MGAT4C: variants seen among roughly 807,000 people sequenced by gnomAD.
MGAT4C encodes the protein MGAT4 family member C.
A neutral mutation model predicts 40.1 loss-of-function variants in MGAT4C; 19 were observed. That is an observed-to-expected ratio of 0.47 (90% CI 0.33 to 0.70). The LOEUF is 0.70. MGAT4C is among the 30% of genes least tolerant of loss of function. The pLI, the probability that MGAT4C is intolerant of heterozygous loss-of-function variation, is 0.02. For missense variants in MGAT4C, 491 were observed against 563.2 expected, an observed-to-expected ratio of 0.87 and a Z score of 1.30; for synonymous variants, 181 against 187.1, an observed-to-expected ratio of 0.97 and a Z score of 0.27.
chr12:86,385,776 C>T (rs903285866), intron 3 of MGAT4C, among the ~76,000 whole-genome samples: 1 of 152,128 alleles, frequency 6.6e-6, no homozygotes, highest in Non-Finnish European at 1.5e-5. Flanking sequence ...ATTTCAGTTT[C>T]CTCCACACTG....
At chr12:86,784,470 AC>A (rs1951898248) in intron 1 of MGAT4C, among the ~76,000 whole-genome samples, 1 of 152,104 alleles carries the variant, frequency 6.6e-6, no homozygotes, top group African/African-American at 2.4e-5. Context: ...TTACAATTGA[AC>A]CAGAAAAACA....
chr12:86,314,891 G>C (rs539495831), intron 4 of MGAT4C, among the ~76,000 whole-genome samples: 1 of 152,090 alleles, frequency 6.6e-6, no homozygotes, highest in Non-Finnish European at 1.5e-5. Context: ...TAAATTGGAA[G>C]AATCAGTATT....
intron 2 of MGAT4C, among the ~76,000 whole-genome samples, chr12:86,536,748 G>A (rs566761823): frequency 6.6e-5 from 10 of 152,228 alleles, no homozygotes; most frequent in Admixed American, 2.0e-4. Context: ...CCACCCATGT[G>A]TTCTTTCTTG....
intron 2 of MGAT4C, chr12:86,013,800 T>C (rs118122608): frequency 3.1e-5 from 29 of 926,462 alleles, no homozygotes; most frequent in Non-Finnish European, 3.6e-5. Flanking sequence ...GTAAACTCTT[T>C]TCTCTCCTAC....
chr12:86,281,223 T>C (rs1267210913), intron 4 of MGAT4C, among the ~76,000 whole-genome samples: 1 of 152,116 alleles, frequency 6.6e-6, no homozygotes, highest in Non-Finnish European at 1.5e-5. Context: ...CTTGAAATCA[T>C]TTTTGTTAAA....
chr12:86,552,895 C>T (rs1959436060), intron 2 of MGAT4C, among the ~76,000 whole-genome samples: 1 of 151,828 alleles, frequency 6.6e-6, no homozygotes. Context: ...ACTTTTAATG[C>T]CATTATTTTT....
intron 2 of MGAT4C, among the ~76,000 whole-genome samples, chr12:86,630,351 T>C (rs886448812): frequency 3.3e-5 from 5 of 152,160 alleles, no homozygotes; most frequent in African/African-American, 1.2e-4. Flanking sequence ...CCATTCCTTC[T>C]GAAACTATCC....
At chr12:86,576,737 T>C (rs182361461) in intron 2 of MGAT4C, among the ~76,000 whole-genome samples, 1 of 152,124 alleles carries the variant, frequency 6.6e-6, no homozygotes, top group Non-Finnish European at 1.5e-5. Context: ...TGTAGTATAA[T>C]TTGAAGTAAG....
At chr12:85,980,848 A>G (rs559035526) in intron 4 of MGAT4C, among the ~76,000 whole-genome samples, 2 of 152,266 alleles carry the variant, frequency 1.3e-5, no homozygotes, top group African/African-American at 4.8e-5. Flanking sequence ...TTGCAAAAAG[A>G]GAAGGGCATT....
intron 3 of MGAT4C, among the ~76,000 whole-genome samples, chr12:86,397,566 T>A (rs1220038333): frequency 1.3e-5 from 2 of 151,738 alleles, no homozygotes; most frequent in Admixed American, 1.3e-4. Context: ...TTATGTTTAT[T>A]CACCCTACTT....
At chr12:86,132,791 CAAAAAAAA>C (rs60321690) in intron 1 of MGAT4C, among the ~76,000 whole-genome samples, 5 of 93,730 alleles carry the variant, frequency 5.3e-5, no homozygotes, top group African/African-American at 2.1e-4. Flanking sequence ...GACTCCGTCT[CAAAAAAAA>C]AAAAAAAAAA....
rs192820189 is a variant in MGAT4C at position 86,166,774 on chromosome 12, A to T, written c.-57+89465T>A. On this transcript the variant is annotated intron_variant, in intron 1 of 4. Coordinates refer to ENST00000611864, the MANE Select transcript of MGAT4C (RefSeq NM_001351288.2). The stretch of plus-strand genomic sequence containing the variant: ...CTTACCTTCCTATCCTTCTATAAGT[A>T]TCACTGCAGCACATTATATAACGTA... Among the ~76,000 whole-genome samples, 124 of 152,352 alleles carry T rather than the reference A, an allele frequency of 8.1e-4. 1 individual carries two copies. The highest frequency in any genetic ancestry group is 8.0e-3 in the Admixed American group (122 of 15,290).
intron 1 of MGAT4C, among the ~76,000 whole-genome samples, chr12:86,793,321 TA>T (rs1952058863): frequency 6.6e-6 from 1 of 152,176 alleles, no homozygotes; most frequent in East Asian, 1.9e-4. Flanking sequence ...AAATCTTCAG[TA>T]ACCAAGTGTA....
intron 2 of MGAT4C, among the ~76,000 whole-genome samples, chr12:85,994,810 A>G (rs1886426965): frequency 1.3e-5 from 2 of 152,220 alleles, no homozygotes; most frequent in Admixed American, 6.5e-5. Context: ...GTGGAGACAT[A>G]TCTAAAGGAC....
chr12:86,394,811 T>C (rs955361943), intron 3 of MGAT4C, among the ~76,000 whole-genome samples: 2 of 151,514 alleles, frequency 1.3e-5, no homozygotes, highest in African/African-American at 4.8e-5. Context: ...AGATGGACTC[T>C]CACCATGTTG....
At chr12:86,073,495 G>A (rs1427628276) in intron 1 of MGAT4C, among the ~76,000 whole-genome samples, 1 of 152,176 alleles carries the variant, frequency 6.6e-6, no homozygotes, top group Non-Finnish European at 1.5e-5. Context: ...ATGTGGGAAA[G>A]TTTGGAGCTT....
chr12:86,121,821 C>A (rs917837581), intron 1 of MGAT4C, among the ~76,000 whole-genome samples: 1 of 152,212 alleles, frequency 6.6e-6, no homozygotes, highest in East Asian at 1.9e-4. Flanking sequence ...TTTTTAACCC[C>A]CTGCATACAT....
chr12:86,822,132 G>A (rs777427682), intron 1 of MGAT4C, among the ~76,000 whole-genome samples: 2 of 150,912 alleles, frequency 1.3e-5, no homozygotes, highest in African/African-American at 2.4e-5. Context: ...AAAATATAAT[G>A]TTATAACATA....
chr12:86,275,804 T>C (rs376007245), intron 4 of MGAT4C, among the ~76,000 whole-genome samples: 6 of 151,910 alleles, frequency 3.9e-5, no homozygotes, highest in African/African-American at 1.5e-4. Flanking sequence ...CCTCCAAAAC[T>C]GTAAGAAAAT....
Sources: allele counts gnomAD v4.1 joint callset (sites outside exome capture counted in the v4.1 genomes callset), GRCh38; gene constraint gnomAD v4.1.1; transcripts MANE v1.5; gene names NCBI Gene and HGNC (gene_info 2026-07-23, HGNC 2026-07-21).